SLC35F4: variants seen among roughly 807,000 people sequenced by gnomAD.
The protein encoded by SLC35F4 is chromosome 14 open reading frame 36.
In SLC35F4, 24 loss-of-function variants were observed where a neutral mutation model predicts 44.2. That is an observed-to-expected ratio of 0.54 (90% CI 0.39 to 0.76). The LOEUF is 0.76. Ranked by LOEUF, SLC35F4 falls within the 30% of genes least tolerant of loss-of-function variation. The probability of loss-of-function intolerance (pLI) is 0.00; values close to 1 mark genes in which losing one functional copy is unlikely to be tolerated. For missense variants in SLC35F4, 562 were observed against 586.1 expected (o/e 0.96, Z 0.42); for synonymous variants, 238 against 223.6 (o/e 1.06, Z -0.57).
At chr14:57,931,292 A>G (rs1372102258) in intron 1 of SLC35F4, among the ~76,000 whole-genome samples, 1 of 152,230 alleles carries the variant, frequency 6.6e-6, no homozygotes, top group Non-Finnish European at 1.5e-5. Context: ...ATAATTTTCC[A>G]GTGCCTTTAT....
chr14:57,652,491 G>A (rs1291709354), intron 1 of SLC35F4, among the ~76,000 whole-genome samples: 1 of 152,136 alleles, frequency 6.6e-6, no homozygotes, highest in East Asian at 1.9e-4. Context: ...GGGATGATCA[G>A]TGTCTTCTGA....
At chr14:57,896,687 T>A (rs919131550) in intron 1 of SLC35F4, among the ~76,000 whole-genome samples, 21 of 152,110 alleles carry the variant, frequency 1.4e-4, no homozygotes, top group Admixed American at 7.9e-4. Flanking sequence ...TAAATAGATA[T>A]TGAAGGGATA....
At chr14:57,698,857 C>T (rs2075455739) in intron 1 of SLC35F4, among the ~76,000 whole-genome samples, 1 of 152,094 alleles carries the variant, frequency 6.6e-6, no homozygotes, top group Non-Finnish European at 1.5e-5. Flanking sequence ...AACTCCTGAC[C>T]TCAGGAGATC....
intron 2 of SLC35F4, 64 bp from the exon 3 acceptor site, chr14:57,589,577 C>A: frequency 6.9e-7 from 1 of 1,451,892 alleles, no homozygotes; most frequent in South Asian, 1.4e-5. Context: ...TCAAATATAT[C>A]AGCTCCTTAA....
At chr14:57,766,427 C>T (rs1468261723) in intron 1 of SLC35F4, among the ~76,000 whole-genome samples, 1 of 152,130 alleles carries the variant, frequency 6.6e-6, no homozygotes, top group Non-Finnish European at 1.5e-5. Context: ...GATTCCCTGT[C>T]AGAACAGTGG....
At chr14:57,852,806 G>C (rs1022890239) in intron 1 of SLC35F4, among the ~76,000 whole-genome samples, 6 of 149,476 alleles carry the variant, frequency 4.0e-5, no homozygotes, top group African/African-American at 1.2e-4. Flanking sequence ...AGATACCAAA[G>C]GCACATGACT....
intron 1 of SLC35F4, among the ~76,000 whole-genome samples, chr14:57,891,886 A>C (rs1388077745): frequency 5.3e-5 from 8 of 152,102 alleles, no homozygotes; most frequent in Non-Finnish European, 1.0e-4. Flanking sequence ...AACAAACAAA[A>C]AAGATTCTTT....
chr14:57,902,687 G>C (rs1889028637), intron 1 of SLC35F4, among the ~76,000 whole-genome samples: 2 of 152,122 alleles, frequency 1.3e-5, no homozygotes, highest in Admixed American at 6.6e-5. Flanking sequence ...ACCATTAACT[G>C]TAGCAATAAA....
chr14:57,586,717 C>CAAA lies in SLC35F4; in HGVS notation c.587+2496_587+2498dup, dbSNP rs543963927. Among the ~76,000 whole-genome samples the CAAA allele has an allele frequency of 2.2e-3, 27 of 12,494 alleles. 5 individuals are homozygous for CAAA. The highest frequency in any genetic ancestry group is 3.4e-3 in the Non-Finnish European group (11 of 3,226). The allele number at this position is 12,494 out of a possible 152,430, so 8.2% of individuals were successfully genotyped here. On this transcript the variant is annotated intron_variant, in intron 3 of 7. Coordinates refer to ENST00000556826, the MANE Select transcript of SLC35F4 (RefSeq NM_001306087.2). ...TGGGTGACAGAGCGAGACTCTGTCT[C>CAAA]AAAAAAAAAAAAAAAAAAAAAAAAA...
chr14:57,594,413 G>T lies in SLC35F4; in HGVS notation c.104-289C>A, dbSNP rs147109330. Among the ~76,000 whole-genome samples, 85 of 152,190 alleles carry T rather than the reference G, an allele frequency of 5.6e-4. No individual in the cohort carries two copies. The East Asian group carries it at 9.1e-3, about 16-fold the overall frequency. On this transcript the variant is annotated intron_variant, in intron 1 of 7. Coordinates refer to ENST00000556826, the MANE Select transcript of SLC35F4 (RefSeq NM_001306087.2). ...AGTGTTGGCCAGGCTGGCTGAAGTA[G>T]ATTTTAAAGGCCTGAACAGTAAAAT...
chr14:57,886,067 A>G (rs145990506), intron 1 of SLC35F4, among the ~76,000 whole-genome samples: 1 of 152,212 alleles, frequency 6.6e-6, no homozygotes, highest in Non-Finnish European at 1.5e-5. Flanking sequence ...TTTAATAGCT[A>G]ATATATATCA....
At chr14:57,948,614 G>A (rs1465483174) in intron 1 of SLC35F4, among the ~76,000 whole-genome samples, 1 of 151,780 alleles carries the variant, frequency 6.6e-6, no homozygotes, top group Admixed American at 6.6e-5. Flanking sequence ...AGTTCCTTGA[G>A]GTGTGACCTT....
chr14:57,844,862 A>C (rs1296530705), intron 1 of SLC35F4, among the ~76,000 whole-genome samples: 1 of 151,966 alleles, frequency 6.6e-6, no homozygotes, highest in African/African-American at 2.4e-5. Context: ...CCAGACACCA[A>C]CTGGACCTTT....
chr14:57,825,886 A>G (rs945757385), intron 1 of SLC35F4, among the ~76,000 whole-genome samples: 1 of 152,156 alleles, frequency 6.6e-6, no homozygotes. Context: ...ATGGAGAACT[A>G]TTTCATGCTC....
At chr14:57,971,045 G>A (rs1881039480) in intron 1 of SLC35F4, among the ~76,000 whole-genome samples, 1 of 152,158 alleles carries the variant, frequency 6.6e-6, no homozygotes, top group Non-Finnish European at 1.5e-5. Flanking sequence ...TTAATGAGTT[G>A]CCAAATTAAT....
intron 1 of SLC35F4, among the ~76,000 whole-genome samples, chr14:57,759,898 CT>C (rs1448301284): frequency 7.6e-6 from 1 of 131,534 alleles, no homozygotes; most frequent in Non-Finnish European, 1.6e-5. Context: ...TTTTTGTTTG[CT>C]TTTTGCTATC....
chr14:57,950,541 C>T (rs912361804), intron 1 of SLC35F4, among the ~76,000 whole-genome samples: 5 of 151,988 alleles, frequency 3.3e-5, no homozygotes, highest in Admixed American at 6.6e-5. Context: ...CAGATTTCTT[C>T]TTGGCTTGGA....
chr14:57,787,136 T>C lies in SLC35F4; in HGVS notation c.103+78587A>G, dbSNP rs939698621. Among the ~76,000 whole-genome samples the C allele has an allele frequency of 4.6e-5, 7 of 152,072 alleles. No individual in the cohort carries two copies. In the East Asian group the frequency reaches 5.8e-4, roughly 13 times the overall value. Reference sequence around the variant, plus strand: ...GAAATGCTCTGGAAAGTCTCAGCAATAGAACTGAACAAGTGGAAGAAAGAA... The same window carrying C: ...GAAATGCTCTGGAAAGTCTCAGCAACAGAACTGAACAAGTGGAAGAAAGAA... On this transcript the variant is annotated intron_variant, in intron 1 of 7. Coordinates refer to ENST00000556826, the MANE Select transcript of SLC35F4 (RefSeq NM_001306087.2).
intron 2 of SLC35F4, among the ~76,000 whole-genome samples, chr14:57,592,724 G>A (rs973940082): frequency 6.6e-6 from 1 of 152,048 alleles, no homozygotes; most frequent in Non-Finnish European, 1.5e-5. Flanking sequence ...AAATGAGTAG[G>A]ACCCTAGACG....
Sources: gnomAD v4.1 joint callset for allele counts (sites outside exome capture counted in the v4.1 genomes callset) on GRCh38, gnomAD v4.1.1 for gene constraint, MANE v1.5 for transcripts, NCBI Gene and HGNC (gene_info 2026-07-23, HGNC 2026-07-21) for gene names.